KDM4C: variants seen among roughly 807,000 people sequenced by gnomAD.
KDM4C encodes the protein lysine-specific demethylase 4C.
In KDM4C, 81 loss-of-function variants were observed where a neutral mutation model predicts 129.3. The ratio of observed to expected loss-of-function variants is 0.63; its 90% CI spans 0.52 to 0.75. The LOEUF is 0.75. Among genes scored for constraint, KDM4C ranks in the 30% least tolerant of loss-of-function variants. The probability of loss-of-function intolerance (pLI) is 0.00; values close to 1 mark genes in which losing one functional copy is unlikely to be tolerated. For synonymous variants in KDM4C, 573 were observed against 456.1 expected, an observed-to-expected ratio of 1.26 and a Z score of -3.26; for missense variants, 1,457 against 1,304.0, an observed-to-expected ratio of 1.12 and a Z score of -1.81.
At chr9:6,761,736 T>C (rs1028745335) in intron 1 of KDM4C, among the ~76,000 whole-genome samples, 2 of 152,228 alleles carry the variant, frequency 1.3e-5, no homozygotes, top group Non-Finnish European at 2.9e-5. Flanking sequence ...TTGATTAAGC[T>C]CAATATCTAC....
chr9:7,134,462 C>A (rs1279636424), intron 19 of KDM4C, among the ~76,000 whole-genome samples: 2 of 152,136 alleles, frequency 1.3e-5, no homozygotes, highest in Admixed American at 6.5e-5. Flanking sequence ...GTTTATGTAG[C>A]CAAATTTCCT....
intron 6 of KDM4C, among the ~76,000 whole-genome samples, chr9:6,886,701 C>T (rs1845331082): frequency 6.6e-6 from 1 of 151,978 alleles, no homozygotes; most frequent in Non-Finnish European, 1.5e-5. Flanking sequence ...ACCATGTTGG[C>T]CAGGCTGGTC....
rs568956672 is a variant in KDM4C at position 7,140,204 on chromosome 9, C to G, written c.2781+11968C>G. ...AGACAGTTAACAACCTGACCATCAC[C>G]TGATGGTCGCCCTACACTCCTGGTG... On this transcript the variant is annotated intron_variant, in intron 19 of 21. Coordinates refer to ENST00000381309, the MANE Select transcript of KDM4C (RefSeq NM_015061.6). 3.4e-4 allele frequency among the ~76,000 whole-genome samples: 51 copies of G among 152,198 alleles called. 2 individuals carry two copies. The highest frequency in any genetic ancestry group is 1.0e-3 in the African/African-American group (42 of 41,532).
chr9:7,147,120 A>G (rs547753278), intron 19 of KDM4C, among the ~76,000 whole-genome samples: 2 of 152,360 alleles, frequency 1.3e-5, no homozygotes, highest in Admixed American at 1.3e-4. Context: ...TTGATTAATG[A>G]GAAAACCAGG....
At chr9:7,125,184 G>A (rs1839909909) in intron 18 of KDM4C, among the ~76,000 whole-genome samples, 1 of 152,122 alleles carries the variant, frequency 6.6e-6, no homozygotes, top group Non-Finnish European at 1.5e-5. Context: ...GCACACCATA[G>A]CAAGACCTCT....
In KDM4C at chr9:6,729,639, G is replaced by A. The variant is rs185786669; in HGVS notation, c.49+8642G>A. 1.3e-4 allele frequency among the ~76,000 whole-genome samples: 17 copies of A among 134,676 alleles called. 5 individuals carry two copies. Among genetic ancestry groups the A allele is most frequent in the African/African-American group, 5.0e-4 (16 of 31,912 alleles). The allele number at this position is 134,676 out of a possible 152,430, so 88.4% of individuals were successfully genotyped here. ...AAAAGGAAATAACATTAAAAAGGAG[G>A]TACTCTCCATATGGAAATATACTTT... On this transcript the variant is annotated intron_variant, in intron 1 of 17. Coordinates refer to the KDM4C transcript ENST00000536108.
At chr9:7,028,376 A>G (rs1587031765) in intron 15 of KDM4C, among the ~76,000 whole-genome samples, 2 of 151,852 alleles carry the variant, frequency 1.3e-5, no homozygotes, top group East Asian at 3.9e-4. Flanking sequence ...TGTGTCTAGA[A>G]ATGTCCAGGA....
intron 17 of KDM4C, among the ~76,000 whole-genome samples, chr9:7,098,964 G>C (rs1347369281): frequency 3.8e-5 from 5 of 131,396 alleles, no homozygotes; most frequent in African/African-American, 1.4e-4. Flanking sequence ...GAAGGTTTTA[G>C]CCTCGATCCT....
intron 19 of KDM4C, among the ~76,000 whole-genome samples, chr9:7,138,651 C>A (rs1345567784): frequency 1.3e-5 from 2 of 151,708 alleles, no homozygotes; most frequent in Non-Finnish European, 2.9e-5. Context: ...CTCTTCTTTA[C>A]AAAAAAATTT....
chr9:7,142,327 C>A (rs1841828713), intron 19 of KDM4C, among the ~76,000 whole-genome samples: 4 of 152,150 alleles, frequency 2.6e-5, no homozygotes. Flanking sequence ...TTTCGCTATC[C>A]AAGCTGTTCT....
chr9:6,780,748 A>G (rs1271564378), intron 1 of KDM4C, among the ~76,000 whole-genome samples: 2 of 145,152 alleles, frequency 1.4e-5, no homozygotes, highest in Non-Finnish European at 1.5e-5. Flanking sequence ...AGCCTGGGCA[A>G]CAAGAGTGAA....
At chr9:6,757,906 A>G (rs370388401), upstream of KDM4C, 3 of 985,400 alleles carry the variant, frequency 3.0e-6, no homozygotes, top group African/African-American at 5.2e-5. Flanking sequence ...GCTGTTTGTA[A>G]GCCCACGTGA....
Position 6,758,812 on chromosome 9 carries a change from A to G in KDM4C, c.-18+609A>G, listed in dbSNP as rs1818810660. Reference sequence around the variant, plus strand: ...GTGTAGACGGCGGGTGCTTAAATAAATGCGAGTTGGATTAGGGCGCGTGGA... The same window carrying G: ...GTGTAGACGGCGGGTGCTTAAATAAGTGCGAGTTGGATTAGGGCGCGTGGA... On this transcript the variant is annotated intron_variant, in intron 1 of 21. Transcript: ENST00000381309. This position sits in a 1 kb window ranked among gnomAD's most constrained non-coding sequence, Gnocchi z 4.6. Among the ~76,000 whole-genome samples the G allele has an allele frequency of 6.6e-6, 1 of 152,020 alleles. No individual in the cohort carries two copies. Among genetic ancestry groups the G allele is most frequent in the Non-Finnish European group, 1.5e-5 (1 of 67,970 alleles).
chr9:6,760,660 T>G (rs1444010075), intron 1 of KDM4C, among the ~76,000 whole-genome samples: 1 of 151,980 alleles, frequency 6.6e-6, no homozygotes, highest in Non-Finnish European at 1.5e-5. Flanking sequence ...AAGCTCCGCC[T>G]CCTGGGTTCA....
chr9:6,838,656 A>G (rs1410805388), intron 4 of KDM4C, among the ~76,000 whole-genome samples: 1 of 152,234 alleles, frequency 6.6e-6, no homozygotes, highest in East Asian at 1.9e-4. Flanking sequence ...TGTTGTTGAG[A>G]ATTCTAAAAC....
chr9:6,892,051 A>G (rs1277390730), intron 7 of KDM4C, among the ~76,000 whole-genome samples: 3 of 152,218 alleles, frequency 2.0e-5, no homozygotes, highest in Non-Finnish European at 4.4e-5. Context: ...AGCAGAGAAT[A>G]CAGGCTCTGA....
chr9:6,939,433 T>G (rs1825438615), intron 8 of KDM4C, among the ~76,000 whole-genome samples: 1 of 152,130 alleles, frequency 6.6e-6, no homozygotes, highest in Non-Finnish European at 1.5e-5. Flanking sequence ...TATTTCATTA[T>G]ATATTACAGT....
chr9:6,811,811 C>G (rs1831202879), intron 3 of KDM4C, among the ~76,000 whole-genome samples: 1 of 152,080 alleles, frequency 6.6e-6, no homozygotes, highest in Non-Finnish European at 1.5e-5. Flanking sequence ...TAGCCTGGCC[C>G]TGGAGCTCAC....
At chr9:7,116,016 G>T (rs979355240) in intron 18 of KDM4C, among the ~76,000 whole-genome samples, 1 of 152,188 alleles carries the variant, frequency 6.6e-6, no homozygotes, top group Non-Finnish European at 1.5e-5. Context: ...GGTGTAGTGG[G>T]TCACTGAAAT....
Sources: gnomAD v4.1 joint callset for allele counts (sites outside exome capture counted in the v4.1 genomes callset) on GRCh38, gnomAD v4.1.1 for gene constraint, Gnocchi (gnomAD v3.1) non-coding constraint, MANE v1.5 for transcripts, NCBI Gene and HGNC (gene_info 2026-07-23, HGNC 2026-07-21) for gene names.